Variants in ANKRD42 observed in about 807,000 individuals in gnomAD.
ANKRD42 encodes the protein ankyrin repeat domain-containing protein 42.
A neutral mutation model predicts 51.5 loss-of-function variants in ANKRD42; 43 were observed. That is an observed-to-expected ratio of 0.83 (90% CI 0.65 to 1.08). The LOEUF is 1.08. Ranked by LOEUF, ANKRD42 falls within the 50% of genes least tolerant of loss-of-function variation. The pLI, the probability that ANKRD42 is intolerant of heterozygous loss-of-function variation, is 0.00. For synonymous variants in ANKRD42, 203 were observed against 213.0 expected (o/e 0.95, Z 0.41); for missense variants, 608 against 629.3 (o/e 0.97, Z 0.36).
At chr11:83,255,143 C>T (rs1402509308) in intron 11 of ANKRD42, among the ~76,000 whole-genome samples, 1 of 152,208 alleles carries the variant, frequency 6.6e-6, no homozygotes, top group Admixed American at 6.5e-5. Context: ...TTCTTGGAGC[C>T]TCTGTGTTCG....
chr11:83,243,869 T>G (rs1272619144), intron 9 of ANKRD42, among the ~76,000 whole-genome samples: 1 of 151,778 alleles, frequency 6.6e-6, no homozygotes, highest in Non-Finnish European at 1.5e-5. Flanking sequence ...TTTCACCATG[T>G]TAGCCAGGAT....
intron 6 of ANKRD42, among the ~76,000 whole-genome samples, chr11:83,226,126 A>G (rs1448251661): frequency 6.6e-6 from 1 of 152,106 alleles, no homozygotes; most frequent in Admixed American, 6.6e-5. Context: ...TCCTTCAAAT[A>G]TTTTCCATCT....
chr11:83,214,330 TTCC>T, intron 5 of ANKRD42: 1 of 635,724 alleles, frequency 1.6e-6, no homozygotes, highest in Non-Finnish European at 2.0e-6. Context: ...CATATTTATA[TTCC>T]CAATCCTCCT....
chr11:83,260,354 T>G (rs1005041565), downstream of ANKRD42: 2 of 152,234 alleles, frequency 1.3e-5, no homozygotes, highest in African/African-American at 4.8e-5. Context: ...CAGTATACTT[T>G]GTTACAGTGG....
chr11:83,256,573 T>C (rs1463160547), downstream of ANKRD42, among the ~76,000 whole-genome samples: 1 of 152,126 alleles, frequency 6.6e-6, no homozygotes, highest in East Asian at 1.9e-4. Context: ...TCTCTTCTCT[T>C]CCCTCCATGA....
At chr11:83,210,256 A>C in intron 3 of ANKRD42, 44 bp from the exon 4 acceptor site, 1 of 1,578,274 alleles carries the variant, frequency 6.3e-7, no homozygotes. Flanking sequence ...TTATGGTTTA[A>C]CATCTATACT....
chr11:83,224,742 C>T, intron 5 of ANKRD42, 113 bp from the exon 6 acceptor site: 1 of 793,464 alleles, frequency 1.3e-6, no homozygotes, highest in Non-Finnish European at 1.8e-6. Flanking sequence ...TATGATTGTG[C>T]CACTGCACTC....
At chr11:83,261,790 C>T (rs1057460257), downstream of ANKRD42, 15 of 677,796 alleles carry the variant, frequency 2.2e-5, no homozygotes, top group Admixed American at 7.6e-5. Flanking sequence ...TCTTTTAGTC[C>T]GTATACACTT....
intron 1 of ANKRD42, among the ~76,000 whole-genome samples, chr11:83,195,986 CAG>C (rs1288717864): frequency 1.3e-5 from 2 of 152,020 alleles, no homozygotes; most frequent in Admixed American, 6.6e-5. Flanking sequence ...GCTAGGGCAA[CAG>C]GGGCCCACCA....
chr11:83,228,664 A>G (rs1862972714), intron 7 of ANKRD42, among the ~76,000 whole-genome samples: 1 of 152,192 alleles, frequency 6.6e-6, no homozygotes, highest in African/African-American at 2.4e-5. Context: ...CCCATTGGTT[A>G]GGTTTTTAGC....
rs1861562924 is a variant in ANKRD42 at position 83,194,729 on chromosome 11, G to T, written c.58+1G>T. The T allele has an allele frequency of 6.3e-7, 1 of 1,587,346 alleles. No individual in the cohort carries two copies. The highest frequency in any genetic ancestry group is 2.2e-5 in the East Asian group (1 of 44,598). On this transcript the variant is annotated splice_donor_variant, in intron 1 of 10. Coordinates refer to ENST00000533342, the MANE Select transcript of ANKRD42 (RefSeq NM_001300975.2). LOFTEE classifies it high-confidence loss of function. ...TCCTCTAGGGAGACTGCAAACCCCT[G>T]TGAGTCAGACTGTCATTGGCCTTCA...
At chr11:83,258,728 CTTT>C (rs1343218330), downstream of ANKRD42, among the ~76,000 whole-genome samples, 1 of 152,014 alleles carries the variant, frequency 6.6e-6, no homozygotes, top group Non-Finnish European at 1.5e-5. Context: ...TCCCACTGCC[CTTT>C]TTTTAAATAT....
At chr11:83,227,393 G>T (rs1008709752) in intron 6 of ANKRD42, among the ~76,000 whole-genome samples, 1 of 152,150 alleles carries the variant, frequency 6.6e-6, no homozygotes, top group Non-Finnish European at 1.5e-5. Flanking sequence ...GATTACAGGC[G>T]TGAGCCACCA....
intron 1 of ANKRD42, among the ~76,000 whole-genome samples, 177 bp from the exon 2 acceptor site, chr11:83,198,302 T>C (rs1284370547): frequency 2.0e-5 from 3 of 152,220 alleles, no homozygotes; most frequent in Admixed American, 1.3e-4. Flanking sequence ...CTTCCATGCT[T>C]TTTACATGTC....
In ANKRD42 at chr11:83,198,599, A is replaced by C; in HGVS notation, c.179A>C (p.Lys60Thr). The C allele has an allele frequency of 6.2e-7, 1 of 1,611,508 alleles. No homozygotes were observed. Among genetic ancestry groups the C allele is most frequent in the Middle Eastern group, 1.6e-4 (1 of 6,062 alleles). Reference protein sequence around the residue: ...ASINELDVLHKFTPLHWAAHS... With the variant: ...ASINELDVLHTFTPLHWAAHS... ...ATTAATGAACTTGATGTTCTCCATAAGTTTACCCCTTTACATTGGGCAGCA... is the reference window on the plus strand; with the variant it reads ...ATTAATGAACTTGATGTTCTCCATACGTTTACCCCTTTACATTGGGCAGCA... Residue 60 changes from lysine (K) to threonine (T), a missense_variant, in exon 2 of 11, where the codon AAG becomes ACG. Coordinates refer to ENST00000533342, the MANE Select transcript of ANKRD42 (RefSeq NM_001300975.2).
chr11:83,198,775 T>C (rs1590958698), intron 2 of ANKRD42, 133 bp downstream of exon 2: 2 of 780,072 alleles, frequency 2.6e-6, no homozygotes, highest in East Asian at 6.1e-5. Flanking sequence ...AGTTTAATAT[T>C]TGGGTATTCC....
intron 5 of ANKRD42, chr11:83,212,804 C>A: frequency 6.7e-7 from 1 of 1,485,364 alleles, no homozygotes; most frequent in South Asian, 1.3e-5. Context: ...GGTCGTCTTT[C>A]AGTGTTCATT....
chr11:83,198,445 G>A, intron 1 of ANKRD42, 34 bp from the exon 2 acceptor site: 1 of 1,568,206 alleles, frequency 6.4e-7, no homozygotes, highest in Non-Finnish European at 8.7e-7. Flanking sequence ...TCATAGTTTT[G>A]TAGTACATTG....
intron 2 of ANKRD42, among the ~76,000 whole-genome samples, chr11:83,203,868 G>T (rs1362692188): frequency 6.6e-6 from 1 of 152,038 alleles, no homozygotes; most frequent in African/African-American, 2.4e-5. Flanking sequence ...CTGCTATTGA[G>T]CTCCTAGTAA....
Sources: allele counts gnomAD v4.1 joint callset (sites outside exome capture counted in the v4.1 genomes callset), GRCh38; gene constraint gnomAD v4.1.1; transcripts MANE v1.5; gene names NCBI Gene and HGNC (gene_info 2026-07-23, HGNC 2026-07-21).